The following DOCK7 variants were observed in gnomAD, a reference collection of about 807,000 sequenced individuals.
The protein encoded by DOCK7 is dedicator of cytokinesis protein 7.
In DOCK7, 138 loss-of-function variants were observed where a neutral mutation model predicts 271.0. That is an observed-to-expected ratio of 0.51 (90% CI 0.44 to 0.59). The LOEUF (loss-of-function observed/expected upper bound fraction) is 0.59, where lower values mean the gene tolerates loss of function less well. Among genes scored for constraint, DOCK7 ranks in the 20% least tolerant of loss-of-function variants. The pLI is 0.00. For missense variants in DOCK7, 2,066 were observed against 2,592.4 expected, an observed-to-expected ratio of 0.80 and a Z score of 4.41; for synonymous variants, 823 against 876.1, an observed-to-expected ratio of 0.94 and a Z score of 1.07.
rs1329836666 is a variant in DOCK7 at position 62,455,248 on chromosome 1, G to A, written c.*166C>T. ...CCAGAACATTAGAAACCATAGCCAT[G>A]ATTCTCAAGCGTTAACAATCTACAT... On this transcript the variant is annotated 3_prime_UTR_variant, in exon 50 of 50. Coordinates refer to ENST00000635253, the MANE Select transcript of DOCK7 (RefSeq NM_001367561.1). 1.3e-6 allele frequency: 1 copy of A among 764,264 alleles called. No individual in the cohort carries two copies. The highest frequency in any genetic ancestry group is 2.3e-6 in the Non-Finnish European group (1 of 443,334). The allele number at this position is 764,264 out of a possible 1,614,324, so 47.3% of individuals were successfully genotyped here. A position where few individuals can be genotyped will look rare whatever the true frequency, so the allele number is the denominator to read the frequency against.
At chr1:62,467,340 A>G (rs771646283) in intron 48 of DOCK7, among the ~76,000 whole-genome samples, 1 of 152,250 alleles carries the variant, frequency 6.6e-6, no homozygotes, top group African/African-American at 2.4e-5. Context: ...TTCAAGAGCT[A>G]ATAGAAACTA....
At chr1:62,637,018 T>C (rs962139110) in intron 7 of DOCK7, among the ~76,000 whole-genome samples, 8 of 152,146 alleles carry the variant, frequency 5.3e-5, no homozygotes, top group South Asian at 2.1e-4. Context: ...AGAAAACACA[T>C]GAATATTCAG....
intron 20 of DOCK7, among the ~76,000 whole-genome samples, chr1:62,558,278 T>C (rs2149437867): frequency 6.6e-6 from 1 of 152,162 alleles, no homozygotes; most frequent in East Asian, 1.9e-4. Context: ...TATTCATCTT[T>C]AAATACTCAA....
chr1:62,523,654 G>T (rs557718451), intron 31 of DOCK7, among the ~76,000 whole-genome samples: 1 of 152,280 alleles, frequency 6.6e-6, no homozygotes, highest in Non-Finnish European at 1.5e-5. Context: ...AGATCACGAG[G>T]TCAGGAGATC....
In DOCK7 at chr1:62,619,983, C is replaced by T. The variant is rs1036523004; in HGVS notation, c.1436G>A (p.Arg479His). 1.6e-5 allele frequency: 25 copies of T among 1,612,384 alleles called. No individual in the cohort carries two copies. Among genetic ancestry groups the T allele is most frequent in the South Asian group, 3.3e-5 (3 of 90,912 alleles). ...VTNFFKQEGDRLSDEDLYKFL... is the reference protein window; with the variant it reads ...VTNFFKQEGDHLSDEDLYKFL... ...TTTGTAGAGATCTTCATCACTTAAGCGGTCTCCTTCCTGATTTCAATAATA... is the reference window on the plus strand; with the variant it reads ...TTTGTAGAGATCTTCATCACTTAAGTGGTCTCCTTCCTGATTTCAATAATA... The change falls in exon 13 of 50, where the codon CGC (arginine) becomes CAC (histidine). Residue 479 changes from arginine to histidine, a missense_variant. Arg to His is a conservative substitution (Grantham distance 29). Around this residue, in one of 2 missense-constraint regions of DOCK7, gnomAD observed 1,414 missense variants for 1,670.4 expected, o/e 0.85. Transcript: ENST00000635253.
intron 34 of DOCK7, among the ~76,000 whole-genome samples, chr1:62,508,823 A>T (rs1051602377): frequency 1.3e-5 from 2 of 152,198 alleles, no homozygotes; most frequent in Non-Finnish European, 2.9e-5. Flanking sequence ...AGTATCATTT[A>T]ATGCAAATAA....
At chr1:62,686,168 T>A (rs371485710) in intron 1 of DOCK7, among the ~76,000 whole-genome samples, 45 of 438 alleles carry the variant, frequency 0.1, 17 homozygotes, top group African/African-American at 0.1. Flanking sequence ...TTTTTTTTTT[T>A]TTTTTTTTTT....
At chr1:62,583,101 G>T in intron 16 of DOCK7, 83 bp downstream of exon 16, 1 of 1,157,016 alleles carries the variant, frequency 8.6e-7, no homozygotes, top group South Asian at 1.4e-5. Flanking sequence ...GTGCAGCAAA[G>T]CATTTGGTAA....
At chr1:62,629,334 T>C (rs945735754) in intron 11 of DOCK7, 1 of 151,914 alleles carries the variant, frequency 6.6e-6, no homozygotes, top group Admixed American at 6.6e-5. Context: ...AAACTAAAAG[T>C]AGAAAACCCA....
At chr1:62,552,454 C>T (rs1281450107) in intron 22 of DOCK7, among the ~76,000 whole-genome samples, 1 of 152,148 alleles carries the variant, frequency 6.6e-6, no homozygotes, top group African/African-American at 2.4e-5. Flanking sequence ...TCAATCTAGC[C>T]ATTTTTCACA....
intron 22 of DOCK7, among the ~76,000 whole-genome samples, chr1:62,549,680 TTTAAATAACTAAATAATAAAC>T (rs1645829784): frequency 6.6e-6 from 1 of 152,172 alleles, no homozygotes; most frequent in East Asian, 1.9e-4. Context: ...TCTAGTTATT[TTTAAATAACTAAATAATAAAC>T]AGTATTTACC....
At chr1:62,624,018 G>A (rs1653610956) in intron 12 of DOCK7, among the ~76,000 whole-genome samples, 1 of 152,116 alleles carries the variant, frequency 6.6e-6, no homozygotes, top group African/African-American at 2.4e-5. Flanking sequence ...GAATTTTGAA[G>A]GAATTACTAG....
chr1:62,543,494 A>G, intron 24 of DOCK7, 162 bp downstream of exon 24: 1 of 468,180 alleles, frequency 2.1e-6, no homozygotes, highest in East Asian at 3.0e-5. Flanking sequence ...TTGACAAGAT[A>G]TGCCCCAAAA....
intron 14 of DOCK7, among the ~76,000 whole-genome samples, chr1:62,617,864 G>C (rs1652650594): frequency 6.6e-6 from 1 of 151,832 alleles, no homozygotes. Flanking sequence ...GTACAGATCA[G>C]GATATATTTT....
At chr1:62,643,086 C>T (rs1158668022) in intron 7 of DOCK7, among the ~76,000 whole-genome samples, 1 of 152,156 alleles carries the variant, frequency 6.6e-6, no homozygotes, top group African/African-American at 2.4e-5. Context: ...AAGCCCAGGT[C>T]AGCCCACTGG....
chr1:62,525,112 T>A (rs540951189), intron 31 of DOCK7, among the ~76,000 whole-genome samples: 1 of 151,356 alleles, frequency 6.6e-6, no homozygotes, highest in South Asian at 2.1e-4. Flanking sequence ...TTCAAGTGAT[T>A]CTCCTGTCTT....
intron 18 of DOCK7, among the ~76,000 whole-genome samples, chr1:62,574,450 G>A (rs2149475932): frequency 6.6e-6 from 1 of 152,192 alleles, no homozygotes; most frequent in Non-Finnish European, 1.5e-5. Context: ...AAAGTGAGGG[G>A]TATAGATTTC....
At chr1:62,546,942 C>T (rs760104693) in intron 22 of DOCK7, among the ~76,000 whole-genome samples, 34 of 152,170 alleles carry the variant, frequency 2.2e-4, no homozygotes, top group Non-Finnish European at 4.1e-4. Context: ...ACAGTCACTA[C>T]TCATGTTACA....
chr1:62,562,508 C>A (rs1000600822), intron 18 of DOCK7, among the ~76,000 whole-genome samples: 2 of 151,988 alleles, frequency 1.3e-5, no homozygotes, highest in Non-Finnish European at 2.9e-5. Flanking sequence ...AGCCACCATG[C>A]CAGGCCGAAA....
Sources: allele counts gnomAD v4.1 joint callset (sites outside exome capture counted in the v4.1 genomes callset), GRCh38; gene constraint gnomAD v4.1.1; regional missense constraint gnomAD v4.1.1; transcripts MANE v1.5; gene names NCBI Gene and HGNC (gene_info 2026-07-23, HGNC 2026-07-21).